Variants in RBBP8 observed in about 807,000 individuals in gnomAD.
The protein encoded by RBBP8 is DNA endonuclease RBBP8.
Under a neutral mutation model 108.3 loss-of-function variants are expected in RBBP8, and 88 were observed. The observed-to-expected ratio is 0.81, with a 90% CI of 0.68 to 0.97. The LOEUF is 0.97. RBBP8 is among the 50% of genes least tolerant of loss of function. The probability of loss-of-function intolerance (pLI) is 0.00; values close to 1 mark genes in which losing one functional copy is unlikely to be tolerated. For missense variants in RBBP8, 1,023 were observed against 1,049.0 expected (o/e 0.98, Z 0.34); for synonymous variants, 332 against 348.2 (o/e 0.95, Z 0.52).
chr18:22,985,497 C>A (rs2144669941), intron 8 of RBBP8, among the ~76,000 whole-genome samples: 1 of 152,224 alleles, frequency 6.6e-6, no homozygotes, highest in African/African-American at 2.4e-5. Flanking sequence ...GAGAAATTAG[C>A]AAGCCCGGAG....
intron 3 of RBBP8, among the ~76,000 whole-genome samples, chr18:22,927,184 G>A (rs1909821196): frequency 6.6e-6 from 1 of 152,284 alleles, no homozygotes; most frequent in African/African-American, 2.4e-5. Flanking sequence ...TATGACTGCA[G>A]GTATAACAAT....
Position 22,936,963 on chromosome 18 carries a change from A to C in RBBP8, c.109+3A>C. On this transcript the variant is annotated splice_donor_region_variant and intron_variant, in intron 2 of 18. Coordinates refer to ENST00000327155, the MANE Select transcript of RBBP8 (RefSeq NM_002894.3). Reference sequence around the variant, plus strand: ...ATGTCATGATAGAGAAGTACAAGGTAAAATCTTTTCTTAAATACTTACAGC... The same window carrying C: ...ATGTCATGATAGAGAAGTACAAGGTCAAATCTTTTCTTAAATACTTACAGC... 1 of 1,613,914 alleles carries C rather than the reference A, an allele frequency of 6.2e-7. No homozygotes were observed. Among genetic ancestry groups the C allele is most frequent in the Non-Finnish European group, 8.5e-7 (1 of 1,179,974 alleles).
At chr18:23,015,063 T>C (rs1174863018) in intron 16 of RBBP8, among the ~76,000 whole-genome samples, 1 of 152,170 alleles carries the variant, frequency 6.6e-6, no homozygotes, top group Non-Finnish European at 1.5e-5. Context: ...TTTTTTATTT[T>C]TATTTTTTGT....
chr18:22,993,691 A>G, intron 11 of RBBP8, 30 bp from the exon 12 acceptor site: 1 of 1,614,202 alleles, frequency 6.2e-7, no homozygotes, highest in South Asian at 1.1e-5. Context: ...TTGTGATTTC[A>G]TTTAGAGCTA....
intron 1 of RBBP8, among the ~76,000 whole-genome samples, chr18:22,935,178 A>G (rs1035329998): frequency 1.3e-5 from 2 of 151,578 alleles, no homozygotes; most frequent in South Asian, 2.1e-4. Flanking sequence ...AATGTACACA[A>G]GAGAAATACT....
chr18:22,972,310 C>T (rs1461836217), intron 5 of RBBP8, among the ~76,000 whole-genome samples: 7 of 141,612 alleles, frequency 4.9e-5, no homozygotes, highest in African/African-American at 1.1e-4. Context: ...GCCAAGATTG[C>T]GCCACTGCAT....
chr18:22,934,639 T>A (rs1481428681), intron 1 of RBBP8: 4 of 152,100 alleles, frequency 2.6e-5, no homozygotes, highest in African/African-American at 7.2e-5. Flanking sequence ...CGTCATTTAC[T>A]TTAGGTATAT....
chr18:22,929,908 AG>A (rs1442770321), upstream of RBBP8, among the ~76,000 whole-genome samples: 2 of 152,318 alleles, frequency 1.3e-5, no homozygotes, highest in African/African-American at 4.8e-5. Context: ...GGCTATTTTA[AG>A]GATTAACTGA....
At chr18:22,961,573 C>A (rs1913100580) in intron 4 of RBBP8, among the ~76,000 whole-genome samples, 1 of 152,182 alleles carries the variant, frequency 6.6e-6, no homozygotes, top group Non-Finnish European at 1.5e-5. Flanking sequence ...CTTGTCTAAC[C>A]CACGACCTGC....
chr18:22,916,378 T>A (rs1198241237), intron 2 of RBBP8, among the ~76,000 whole-genome samples: 3 of 151,968 alleles, frequency 2.0e-5, no homozygotes, highest in Non-Finnish European at 2.9e-5. Context: ...CATTTTTGAG[T>A]TAAGAAATGA....
chr18:22,922,952 C>T (rs1160121279), intron 3 of RBBP8, among the ~76,000 whole-genome samples: 1 of 152,088 alleles, frequency 6.6e-6, no homozygotes, highest in Non-Finnish European at 1.5e-5. Flanking sequence ...CAAGATAATA[C>T]ATGTAAAAGC....
At chr18:23,008,933 C>T (rs1215075014) in intron 16 of RBBP8, among the ~76,000 whole-genome samples, 1 of 151,976 alleles carries the variant, frequency 6.6e-6, no homozygotes, top group East Asian at 1.9e-4. Context: ...ACCACCACAC[C>T]TGGCTAATTT....
chr18:22,938,149 T>G (rs1037588134), intron 2 of RBBP8, among the ~76,000 whole-genome samples: 1 of 152,056 alleles, frequency 6.6e-6, no homozygotes, highest in East Asian at 1.9e-4. Context: ...TTTTTCTTTT[T>G]GAGACAGGGT....
At chr18:23,013,068 C>G (rs1291771707) in intron 16 of RBBP8, among the ~76,000 whole-genome samples, 1 of 148,352 alleles carries the variant, frequency 6.7e-6, no homozygotes, top group Non-Finnish European at 1.5e-5. Context: ...GCCTATTGAT[C>G]AGAAAAAAAA....
At chr18:22,990,795 A>G in intron 9 of RBBP8, 142 bp from the exon 10 acceptor site, 1 of 634,526 alleles carries the variant, frequency 1.6e-6, no homozygotes, top group Non-Finnish European at 2.8e-6. Flanking sequence ...TATAAATGGA[A>G]TCATACATTA....
intron 3 of RBBP8, among the ~76,000 whole-genome samples, chr18:22,923,422 G>A (rs892972870): frequency 6.6e-6 from 1 of 152,132 alleles, no homozygotes; most frequent in African/African-American, 2.4e-5. Context: ...CATGCCTTCT[G>A]CCTGGAAAGC....
Position 22,992,868 on chromosome 18 carries a change from C to G in RBBP8, c.1041C>G (p.Ser347=), listed in dbSNP as rs35963062. The change falls in exon 11 of 19, where the codon TCC becomes TCG. Residue 347 remains serine, a synonymous_variant. Transcript: ENST00000327155. The part of the protein sequence containing the change: ...KSGLDLNTSL[S]PSLLQPGKKK... ...GTTTAGATTTGAATACAAGTTTGTCCCCTTCTCTTTTACAGCCTGGGAAAA... is the reference window on the plus strand; with the variant it reads ...GTTTAGATTTGAATACAAGTTTGTCGCCTTCTCTTTTACAGCCTGGGAAAA... 1.2e-5 allele frequency: 19 copies of G among 1,613,692 alleles called. No individual in the cohort carries two copies. The African/African-American group carries it at 2.4e-4, about 20-fold the overall frequency.
chr18:22,979,830 T>A (rs569628924), intron 6 of RBBP8, among the ~76,000 whole-genome samples: 2 of 152,346 alleles, frequency 1.3e-5, no homozygotes, highest in African/African-American at 2.4e-5. Context: ...TCCTATTCAC[T>A]CAACAAATGT....
chr18:22,982,436 C>T (rs1479181352), intron 7 of RBBP8, 43 bp downstream of exon 7: 1 of 1,610,624 alleles, frequency 6.2e-7, no homozygotes, highest in Admixed American at 1.7e-5. Flanking sequence ...TTTTGTAAAC[C>T]AGTGTTCATC....
Sources: gnomAD v4.1 joint callset for allele counts (sites outside exome capture counted in the v4.1 genomes callset) on GRCh38, gnomAD v4.1.1 for gene constraint, MANE v1.5 for transcripts, NCBI Gene and HGNC (gene_info 2026-07-23, HGNC 2026-07-21) for gene names.